The following ERGIC1 variants were observed in gnomAD, a reference collection of about 807,000 sequenced individuals.
The protein encoded by ERGIC1 is endoplasmic reticulum-golgi intermediate compartment 1.
ERGIC1 carries 19 observed loss-of-function variants against 38.3 expected under a neutral mutation model. The observed-to-expected ratio is 0.50, with a 90% CI of 0.35 to 0.73. The LOEUF is 0.73. Among genes scored for constraint, ERGIC1 ranks in the 30% least tolerant of loss-of-function variants. The probability of loss-of-function intolerance (pLI) is 0.01; values close to 1 mark genes in which losing one functional copy is unlikely to be tolerated. For missense variants in ERGIC1, 294 were observed against 389.2 expected (o/e 0.76, Z 2.06); for synonymous variants, 124 against 157.6 (o/e 0.79, Z 1.60).
intron 1 of ERGIC1, chr5:172,867,555 C>T: frequency 2.3e-6 from 1 of 442,952 alleles, no homozygotes; most frequent in Non-Finnish European, 4.6e-6. Context: ...TGGCTCACTG[C>T]AGAGGTGTTA....
chr5:172,847,840 C>A (rs1257248149), intron 1 of ERGIC1, among the ~76,000 whole-genome samples: 2 of 152,152 alleles, frequency 1.3e-5, no homozygotes, highest in Non-Finnish European at 2.9e-5. Flanking sequence ...AATATTTTTT[C>A]TTTGAATTAA....
intron 4 of ERGIC1, among the ~76,000 whole-genome samples, chr5:172,911,804 A>G (rs1055998089): frequency 6.6e-6 from 1 of 152,142 alleles, no homozygotes; most frequent in Non-Finnish European, 1.5e-5. Flanking sequence ...AATAGACTAT[A>G]TTTCAATCTT....
chr5:172,952,387 T>C lies in ERGIC1; in HGVS notation c.*1571T>C, dbSNP rs1764250231. The C allele has an allele frequency of 6.8e-6, 1 of 147,402 alleles. No homozygotes were observed. Among genetic ancestry groups the C allele is most frequent in the Non-Finnish European group, 1.5e-5 (1 of 66,728 alleles). The allele number at this position is 147,402 out of a possible 1,614,324, so 9.1% of individuals were successfully genotyped here. ...CACTTGGATGGATTTTTTTACATTC[T>C]GTTCCCCAGTTACAGGAAGGAGTCC... On this transcript the variant is annotated 3_prime_UTR_variant, in exon 10 of 10. Coordinates refer to ENST00000393784, the MANE Select transcript of ERGIC1 (RefSeq NM_001031711.3).
chr5:172,932,511 C>T lies in ERGIC1; in HGVS notation c.617C>T (p.Ser206Phe). The change falls in exon 8 of 10, where the codon TCC becomes TTC. Residue 206 changes from serine to phenylalanine, a missense_variant. Ser to Phe is a radical substitution (Grantham distance 155). This residue lies in a region of ERGIC1 where 109 missense variants were observed against 112.7 expected (regional missense o/e 0.97). Coordinates refer to ENST00000393784, the MANE Select transcript of ERGIC1 (RefSeq NM_001031711.3). ...YEDKSGKQRY[S>F]YQYTVANKEY... ...GACAAGAGTGGCAAGCAGCGGTACT[C>T]CTACCAGTACACGGTGGCCAACAAG... 6.2e-7 allele frequency: 1 copy of T among 1,614,142 alleles called. No individual in the cohort carries two copies. The highest frequency in any genetic ancestry group is 8.5e-7 in the Non-Finnish European group (1 of 1,180,008).
At position 172,834,734 on chromosome 5, in the gene ERGIC1, C is replaced by A. The variant is rs1760992902; in HGVS notation, c.20+301C>A. 6.6e-6 allele frequency among the ~76,000 whole-genome samples: 1 copy of A among 152,106 alleles called. No individual in the cohort carries two copies. Among genetic ancestry groups the A allele is most frequent in the Non-Finnish European group, 1.5e-5 (1 of 67,986 alleles). ...CCCCCACACTAGGAAACATTTCCTC[C>A]CTCCTCCCAGATGGGAACAGCCCAT... On this transcript the variant is annotated intron_variant, in intron 1 of 9. Coordinates refer to ENST00000393784, the MANE Select transcript of ERGIC1 (RefSeq NM_001031711.3). The surrounding 1 kb of genome is among the most constrained non-coding windows in gnomAD (Gnocchi z 4.1).
Position 172,943,401 on chromosome 5 carries a change from C to G in ERGIC1, c.766-7308C>G, listed in dbSNP as rs549626393. Among the ~76,000 whole-genome samples, 26 of 152,158 alleles carry G rather than the reference C, an allele frequency of 1.7e-4. No homozygotes were observed. The South Asian group carries it at 4.6e-3, about 27-fold the overall frequency. On this transcript the variant is annotated intron_variant, in intron 9 of 9. Coordinates refer to ENST00000393784, the MANE Select transcript of ERGIC1 (RefSeq NM_001031711.3). ...ACTTCCCTTCCCCGACTACACCCCC[C>G]ACCTCTGCCTCCTCCACGACTTTGG...
chr5:172,877,408 ATATGTGTGTG>A (rs1171761413), intron 1 of ERGIC1, among the ~76,000 whole-genome samples: 1 of 116,760 alleles, frequency 8.6e-6, no homozygotes, highest in Non-Finnish European at 1.8e-5. Flanking sequence ...AATATTATAT[ATATGTGTGTG>A]TGTGTGTGTG....
chr5:172,922,136 T>G (rs566456636), intron 5 of ERGIC1: 1 of 152,422 alleles, frequency 6.6e-6, no homozygotes, highest in East Asian at 1.9e-4. Context: ...CAGCCCAGGC[T>G]GCGGAGGTAG....
intron 2 of ERGIC1, among the ~76,000 whole-genome samples, chr5:172,891,825 T>TAGAAGAAAG (rs1762566382): frequency 6.6e-6 from 1 of 152,192 alleles, no homozygotes; most frequent in Non-Finnish European, 1.5e-5. Flanking sequence ...GCCTTTCTTC[T>TAGAAGAAAG]GCTGATACAT....
intron 1 of ERGIC1, among the ~76,000 whole-genome samples, chr5:172,854,459 C>A (rs1294052314): frequency 6.6e-6 from 1 of 152,248 alleles, no homozygotes; most frequent in Admixed American, 6.5e-5. Context: ...AAAAGTATTT[C>A]CTGGCTGGGG....
intron 9 of ERGIC1, among the ~76,000 whole-genome samples, chr5:172,941,763 G>A (rs1056393314): frequency 3.9e-5 from 6 of 152,200 alleles, no homozygotes; most frequent in South Asian, 2.1e-4. Flanking sequence ...TAAAAAAGCC[G>A]ACGTCCATCT....
At chr5:172,863,338 A>G (rs757042158) in intron 1 of ERGIC1, among the ~76,000 whole-genome samples, 5 of 152,354 alleles carry the variant, frequency 3.3e-5, no homozygotes, top group Non-Finnish European at 5.9e-5. Context: ...CTCGATTATG[A>G]GAATTGAAAG....
intron 3 of ERGIC1, among the ~76,000 whole-genome samples, chr5:172,904,473 G>A (rs1052853982): frequency 5.3e-5 from 8 of 152,224 alleles, no homozygotes; most frequent in Non-Finnish European, 1.5e-5. Flanking sequence ...GCTCCTAAGT[G>A]GCAGAGCCAG....
chr5:172,865,204 G>A (rs1356675576), intron 1 of ERGIC1, among the ~76,000 whole-genome samples: 4 of 151,918 alleles, frequency 2.6e-5, no homozygotes, highest in African/African-American at 2.4e-5. Context: ...ACAGGCGCCC[G>A]CCACTATGCC....
chr5:172,927,324 G>A (rs1239366302), intron 7 of ERGIC1, among the ~76,000 whole-genome samples: 13 of 152,046 alleles, frequency 8.6e-5, no homozygotes, highest in Non-Finnish European at 1.9e-4. Context: ...CCTGAAATGC[G>A]TTTGCTCTCC....
At chr5:172,909,482 AAGGCTGCACTTGAAG>A in intron 3 of ERGIC1, among the ~76,000 whole-genome samples, 170 bp from the exon 4 acceptor site, 1 of 152,148 alleles carries the variant, frequency 6.6e-6, no homozygotes, top group Admixed American at 6.5e-5. Context: ...CCTGAGAGGT[AAGGCTGCACTTGAAG>A]AGTGCAGCCT....
chr5:172,943,706 A>G (rs1235941279), intron 9 of ERGIC1, among the ~76,000 whole-genome samples: 1 of 152,068 alleles, frequency 6.6e-6, no homozygotes, highest in African/African-American at 2.4e-5. Flanking sequence ...CTGGGATTGG[A>G]CCGCAGGAGT....
chr5:172,949,790 G>A (rs1291860110), intron 9 of ERGIC1, among the ~76,000 whole-genome samples: 1 of 152,306 alleles, frequency 6.6e-6, no homozygotes, highest in Admixed American at 6.5e-5. Context: ...CCCTGGCCAG[G>A]CACAGTGGCT....
chr5:172,865,230 A>G lies in ERGIC1; in HGVS notation c.21-23469A>G, dbSNP rs140311185. Among the ~76,000 whole-genome samples, 421 of 151,950 alleles carry G rather than the reference A, an allele frequency of 2.8e-3. 3 individuals are homozygous for G. The highest frequency in any genetic ancestry group is 9.5e-3 in the African/African-American group (392 of 41,398). On this transcript the variant is annotated intron_variant, in intron 1 of 9. Coordinates refer to ENST00000393784, the MANE Select transcript of ERGIC1 (RefSeq NM_001031711.3). The stretch of plus-strand genomic sequence containing the variant: ...CCACTATGCCTGGCTAATATTTTGT[A>G]TTTTTAGTAGAGACTGGGTTTCACC...
Sources: gnomAD v4.1 joint callset for allele counts (sites outside exome capture counted in the v4.1 genomes callset) on GRCh38, gnomAD v4.1.1 for gene constraint, gnomAD v4.1.1 regional missense constraint, Gnocchi (gnomAD v3.1) non-coding constraint, MANE v1.5 for transcripts, NCBI Gene and HGNC (gene_info 2026-07-23, HGNC 2026-07-21) for gene names.